The following ANKS1B variants were observed in gnomAD, a reference collection of about 807,000 sequenced individuals.
ANKS1B encodes the protein ankyrin repeat and sterile alpha motif domain-containing protein 1B.
In ANKS1B, 36 loss-of-function variants were observed where a neutral mutation model predicts 148.3. The ratio of observed to expected loss-of-function variants is 0.24; its 90% CI spans 0.19 to 0.32. ANKS1B has a LOEUF of 0.32. ANKS1B is among the 10% of genes least tolerant of loss of function. The pLI, the probability that ANKS1B is intolerant of heterozygous loss-of-function variation, is 1.00. For missense variants in ANKS1B, 1,157 were observed against 1,542.6 expected, an observed-to-expected ratio of 0.75 and a Z score of 4.19; for synonymous variants, 542 against 560.8, an observed-to-expected ratio of 0.97 and a Z score of 0.47.
intron 11 of ANKS1B, among the ~76,000 whole-genome samples, chr12:99,407,543 G>C (rs1179118070): frequency 6.9e-6 from 1 of 144,808 alleles, no homozygotes; most frequent in East Asian, 1.9e-4. Context: ...AGAAATAAAG[G>C]GCATCCAAGT....
chr12:99,035,099 C>A (rs1446772073), intron 17 of ANKS1B, among the ~76,000 whole-genome samples: 1 of 152,108 alleles, frequency 6.6e-6, no homozygotes, highest in Non-Finnish European at 1.5e-5. Context: ...TTTTCTCTGA[C>A]CTTCTCCTGC....
chr12:99,658,818 C>A (rs968947732), intron 8 of ANKS1B, among the ~76,000 whole-genome samples: 1 of 151,972 alleles, frequency 6.6e-6, no homozygotes, highest in Non-Finnish European at 1.5e-5. Flanking sequence ...GAGTTGTGTA[C>A]ACACACACAG....
chr12:99,488,926 C>T (rs969973718), intron 10 of ANKS1B, among the ~76,000 whole-genome samples: 1 of 151,974 alleles, frequency 6.6e-6, no homozygotes, highest in East Asian at 1.9e-4. Flanking sequence ...ATGACAGAGC[C>T]ATTATACTTC....
At chr12:99,399,877 T>G in intron 11 of ANKS1B, 66 bp from the exon 12 acceptor site, 1 of 1,493,352 alleles carries the variant, frequency 6.7e-7, no homozygotes, top group Non-Finnish European at 9.3e-7. Flanking sequence ...AATCTCCCCA[T>G]CAATTTAATC....
intron 1 of ANKS1B, among the ~76,000 whole-genome samples, chr12:99,895,141 G>T (rs2093334990): frequency 6.6e-6 from 1 of 150,592 alleles, no homozygotes; most frequent in Admixed American, 6.7e-5. Context: ...TTAAATCTGT[G>T]GATTTTGAGT....
chr12:99,650,440 G>C (rs905529783), intron 9 of ANKS1B, among the ~76,000 whole-genome samples: 1 of 114,612 alleles, frequency 8.7e-6, no homozygotes, highest in East Asian at 2.0e-4. Flanking sequence ...CTGTGTAAAT[G>C]GTAGTGTTGA....
intron 12 of ANKS1B, among the ~76,000 whole-genome samples, chr12:99,372,328 T>C (rs1389640711): frequency 6.6e-6 from 1 of 151,880 alleles, no homozygotes; most frequent in Non-Finnish European, 1.5e-5. Flanking sequence ...GACCCAAGTG[T>C]GAATAAAACA....
downstream of ANKS1B, among the ~76,000 whole-genome samples, chr12:98,741,231 C>T (rs923527443): frequency 6.6e-6 from 1 of 152,098 alleles, no homozygotes; most frequent in Admixed American, 6.5e-5. Flanking sequence ...TGAATCTCTG[C>T]CTCCTCCACC....
chr12:99,923,981 G>T (rs868337081), intron 1 of ANKS1B, among the ~76,000 whole-genome samples: 29 of 151,978 alleles, frequency 1.9e-4, no homozygotes, highest in Admixed American at 7.9e-4. Flanking sequence ...CATACATTTT[G>T]ATTTTTTAAA....
At chr12:99,657,251 T>C (rs1413940108) in intron 8 of ANKS1B, among the ~76,000 whole-genome samples, 1 of 152,100 alleles carries the variant, frequency 6.6e-6, no homozygotes, top group Non-Finnish European at 1.5e-5. Flanking sequence ...GTCACGAAGC[T>C]GGCAAGTGGC....
chr12:99,800,057 G>A (rs1161369114), intron 4 of ANKS1B, among the ~76,000 whole-genome samples: 3 of 152,094 alleles, frequency 2.0e-5, no homozygotes, highest in African/African-American at 7.2e-5. Context: ...TTGAATATCT[G>A]TGTGCCCCAA....
At chr12:98,823,815 T>A (rs2099222417) in intron 19 of ANKS1B, among the ~76,000 whole-genome samples, 1 of 152,274 alleles carries the variant, frequency 6.6e-6, no homozygotes, top group African/African-American at 2.4e-5. Flanking sequence ...TCCAAAATGC[T>A]GTTCCTTTCT....
intron 17 of ANKS1B, among the ~76,000 whole-genome samples, chr12:98,992,133 TATC>T (rs1402876039): frequency 6.6e-6 from 1 of 152,160 alleles, no homozygotes; most frequent in Non-Finnish European, 1.5e-5. Flanking sequence ...TCTCTAAACT[TATC>T]TTCCTGACAT....
At position 99,442,257 on chromosome 12, in the gene ANKS1B, T is replaced by A. The variant is rs767661292; in HGVS notation, c.1575+1416A>T. On this transcript the variant is annotated intron_variant, in intron 11 of 26. Transcript: ENST00000683438. ...GTTACCCAGACTGGTCTAGAACTCC[T>A]GGGCTCAAGGTGATTCTCTGCCTCA... is the stretch of plus-strand genomic sequence containing the variant. 6.0e-4 allele frequency among the ~76,000 whole-genome samples: 91 copies of A among 152,032 alleles called. No homozygotes were observed. In the Middle Eastern group the frequency reaches 0.014, roughly 23 times the overall value.
chr12:99,926,037 A>G (rs2094470437), intron 1 of ANKS1B, among the ~76,000 whole-genome samples: 1 of 152,228 alleles, frequency 6.6e-6, no homozygotes, highest in African/African-American at 2.4e-5. Context: ...TTGGTTGCCT[A>G]TATATCCCAT....
chr12:99,349,917 T>C (rs1204424630), intron 12 of ANKS1B, among the ~76,000 whole-genome samples: 3 of 152,214 alleles, frequency 2.0e-5, no homozygotes, highest in East Asian at 1.9e-4. Flanking sequence ...CAATGAATTG[T>C]ATAATTTAAA....
chr12:99,849,387 A>C (rs1217148250), intron 1 of ANKS1B, among the ~76,000 whole-genome samples: 1 of 152,126 alleles, frequency 6.6e-6, no homozygotes, highest in African/African-American at 2.4e-5. Context: ...GACTGAAATC[A>C]AAGACAGATG....
chr12:98,775,617 G>GT (rs1167738260), intron 24 of ANKS1B, among the ~76,000 whole-genome samples: 1 of 125,690 alleles, frequency 8.0e-6, no homozygotes, highest in Non-Finnish European at 1.8e-5. Flanking sequence ...CTTATTTTCT[G>GT]TATTTTTTTT....
At chr12:99,164,361 A>G (rs570858491) in intron 14 of ANKS1B, among the ~76,000 whole-genome samples, 89 of 152,262 alleles carry the variant, frequency 5.8e-4, no homozygotes, top group Non-Finnish European at 1.0e-3. Flanking sequence ...TGGAGTAATG[A>G]CAATCATGCT....
Sources: allele counts gnomAD v4.1 joint callset (sites outside exome capture counted in the v4.1 genomes callset), GRCh38; gene constraint gnomAD v4.1.1; transcripts MANE v1.5; gene names NCBI Gene and HGNC (gene_info 2026-07-23, HGNC 2026-07-21).